VRK2: variants seen among roughly 807,000 people sequenced by gnomAD.
The protein encoded by VRK2 is serine/threonine-protein kinase VRK2.
In VRK2, 60 loss-of-function variants were observed where a neutral mutation model predicts 57.6. That is an observed-to-expected ratio of 1.04 (90% confidence interval 0.85 to 1.29). The LOEUF (loss-of-function observed/expected upper bound fraction) is 1.29, where lower values mean the gene tolerates loss of function less well. VRK2 is among the 50% of genes most tolerant of loss of function. The pLI, the probability that VRK2 is intolerant of heterozygous loss-of-function variation, is 0.00. For missense variants in VRK2, 705 were observed against 588.1 expected, an observed-to-expected ratio of 1.20 and a Z score of -2.06; for synonymous variants, 231 against 199.2, an observed-to-expected ratio of 1.16 and a Z score of -1.35.
intron 4 of VRK2, among the ~76,000 whole-genome samples, chr2:58,086,113 G>A (rs1052490026): frequency 6.6e-6 from 1 of 151,050 alleles, no homozygotes; most frequent in East Asian, 1.9e-4. Context: ...AATATACAAA[G>A]CCTATGACTT....
At chr2:58,120,810 C>A (rs75686748) in intron 7 of VRK2, among the ~76,000 whole-genome samples, 12,135 of 152,210 alleles carry the variant, frequency 0.08, 526 homozygotes, top group South Asian at 0.15. Flanking sequence ...GAGGTAGGAG[C>A]CTTAGTACCA....
intron 1 of VRK2, among the ~76,000 whole-genome samples, chr2:57,963,384 T>A (rs1671818213): frequency 6.6e-6 from 1 of 152,216 alleles, no homozygotes; most frequent in Non-Finnish European, 1.5e-5. Context: ...CAAAGCATAA[T>A]TGTATCCTAA....
chr2:58,011,524 T>G (rs1283583601), intron 1 of VRK2, among the ~76,000 whole-genome samples: 1 of 152,206 alleles, frequency 6.6e-6, no homozygotes, highest in Non-Finnish European at 1.5e-5. Context: ...ATGAATCACA[T>G]TAAATCAGGG....
chr2:58,136,942 ATAT>A (rs1309076645), intron 10 of VRK2, among the ~76,000 whole-genome samples: 1 of 135,964 alleles, frequency 7.4e-6, no homozygotes, highest in East Asian at 2.0e-4. Context: ...CATATATATT[ATAT>A]ATCATATATG....
At chr2:57,939,712 A>G (rs932375299) in intron 1 of VRK2, among the ~76,000 whole-genome samples, 5 of 152,224 alleles carry the variant, frequency 3.3e-5, no homozygotes, top group African/African-American at 1.2e-4. Flanking sequence ...GTTAACAATA[A>G]TATTGCATTT....
chr2:57,924,095 T>C (rs1670453507), intron 1 of VRK2, among the ~76,000 whole-genome samples: 1 of 152,074 alleles, frequency 6.6e-6, no homozygotes, highest in African/African-American at 2.4e-5. Context: ...TCTGTTTGTA[T>C]GTCAGTACCA....
At chr2:57,961,292 A>G (rs767949936) in intron 1 of VRK2, among the ~76,000 whole-genome samples, 2 of 152,192 alleles carry the variant, frequency 1.3e-5, no homozygotes, top group African/African-American at 4.8e-5. Context: ...GGGAAGGAGG[A>G]AGAGCTGTCC....
At chr2:57,984,700 T>C (rs1213028860) in intron 1 of VRK2, among the ~76,000 whole-genome samples, 1 of 152,112 alleles carries the variant, frequency 6.6e-6, no homozygotes, top group Non-Finnish European at 1.5e-5. Flanking sequence ...ACATTGTCCT[T>C]GTAGTTCCAG....
rs2103693993 is a variant in VRK2 at position 58,030,150 on chromosome 2, C to G, written c.-332-3077C>G. Among the ~76,000 whole-genome samples, 2 of 152,184 alleles carry G rather than the reference C, an allele frequency of 1.3e-5. 1 individual carries two copies. Among genetic ancestry groups the G allele is most frequent in the South Asian group, 4.1e-4 (2 of 4,832 alleles). The stretch of plus-strand genomic sequence containing the variant: ...TTAGATTGTCTGAGGCCTCCTTTAG[C>G]TCTCATCAGCTTGATACCAAGGTTT... On this transcript the variant is annotated intron_variant, in intron 2 of 15. Coordinates refer to the VRK2 transcript ENST00000417641.
At chr2:58,054,559 T>C (rs563724485) in intron 2 of VRK2, among the ~76,000 whole-genome samples, 6 of 152,232 alleles carry the variant, frequency 3.9e-5, no homozygotes, top group African/African-American at 7.2e-5. Context: ...TTTTTTTCTT[T>C]AGATAAGGAA....
upstream of VRK2, among the ~76,000 whole-genome samples, chr2:58,045,842 T>C (rs1288786976): frequency 6.6e-6 from 1 of 152,148 alleles, no homozygotes; most frequent in Non-Finnish European, 1.5e-5. Context: ...TTACTATGAG[T>C]CTTTTTTTTC....
intron 12 of VRK2, among the ~76,000 whole-genome samples, chr2:58,151,932 A>G (rs534096543): frequency 6.1e-4 from 93 of 151,258 alleles, no homozygotes; most frequent in African/African-American, 2.1e-3. Context: ...TAACTGCAAC[A>G]GAGACTGTAT....
intron 1 of VRK2, among the ~76,000 whole-genome samples, chr2:57,954,808 A>G (rs1229005075): frequency 1.3e-5 from 2 of 152,122 alleles, no homozygotes; most frequent in African/African-American, 2.4e-5. Flanking sequence ...ACTACTCGGG[A>G]AGAAAAGGTA....
chr2:58,117,659 A>G (rs1254599537), intron 7 of VRK2, among the ~76,000 whole-genome samples: 1 of 152,110 alleles, frequency 6.6e-6, no homozygotes, highest in Non-Finnish European at 1.5e-5. Flanking sequence ...CCCTTTTACG[A>G]CAAGAATTAT....
intron 1 of VRK2, among the ~76,000 whole-genome samples, chr2:58,002,475 C>T (rs958570564): frequency 2.0e-5 from 3 of 151,182 alleles, no homozygotes; most frequent in African/African-American, 7.3e-5. Context: ...AATTCCATCT[C>T]CAAAAAAAAA....
intron 3 of VRK2, among the ~76,000 whole-genome samples, chr2:58,039,994 G>C (rs1458594739): frequency 1.3e-5 from 2 of 151,684 alleles, no homozygotes; most frequent in Non-Finnish European, 2.9e-5. Context: ...GCTCACTGCA[G>C]CCTCAATCTC....
chr2:57,986,725 A>G (rs1402354679), intron 1 of VRK2, among the ~76,000 whole-genome samples: 1 of 151,612 alleles, frequency 6.6e-6, no homozygotes, highest in East Asian at 1.9e-4. Context: ...CAGCCTCCCA[A>G]GCAGCTGGGA....
chr2:58,143,813 T>C (rs1681693356), intron 11 of VRK2, among the ~76,000 whole-genome samples: 1 of 151,828 alleles, frequency 6.6e-6, no homozygotes, highest in African/African-American at 2.4e-5. Flanking sequence ...ATAATCAAGA[T>C]ACAGCACAAC....
chr2:58,020,982 T>C (rs1360805718), intron 1 of VRK2, among the ~76,000 whole-genome samples: 3 of 152,182 alleles, frequency 2.0e-5, no homozygotes, highest in Non-Finnish European at 4.4e-5. Context: ...AAACTAAAAA[T>C]ATACAATTAT....
Sources: gnomAD v4.1 joint callset for allele counts (sites outside exome capture counted in the v4.1 genomes callset) on GRCh38, gnomAD v4.1.1 for gene constraint, MANE v1.5 for transcripts, NCBI Gene and HGNC (gene_info 2026-07-23, HGNC 2026-07-21) for gene names.